Variants in KRT28 observed in about 807,000 individuals in gnomAD.
KRT28 encodes keratin 28, also known as keratin, type I cytoskeletal 28.
In KRT28, 45 loss-of-function variants were observed where a neutral mutation model predicts 48.1. That is an observed-to-expected ratio of 0.94 (90% CI 0.74 to 1.20). The LOEUF (loss-of-function observed/expected upper bound fraction) is 1.20. KRT28 is among the 50% of genes most tolerant of loss of function. The probability of loss-of-function intolerance (pLI) is 0.00; values close to 1 mark genes in which losing one functional copy is unlikely to be tolerated. For missense variants in KRT28, 571 were observed against 574.1 expected (o/e 0.99, Z 0.06); for synonymous variants, 228 against 227.4 (o/e 1.00, Z -0.03).
chr17:40,795,413 C>T (rs192707050), intron 5 of KRT28, among the ~76,000 whole-genome samples: 1 of 152,174 alleles, frequency 6.6e-6, no homozygotes, highest in South Asian at 2.1e-4. Context: ...AGTCTTCCAC[C>T]GTGAAGGCTG....
chr17:40,798,543 C>T lies in KRT28; in HGVS notation c.534-152G>A, dbSNP rs1012402548. ...ATGAAGAAAGCGCTCCTGCATTACCCCCACTCAATTCTGTACAGGATAATT... is the reference window on the plus strand; with the variant it reads ...ATGAAGAAAGCGCTCCTGCATTACCTCCACTCAATTCTGTACAGGATAATT... On this transcript the variant is annotated intron_variant, in intron 2 of 7. Coordinates refer to ENST00000306658, the MANE Select transcript of KRT28 (RefSeq NM_181535.3). 1.6e-5 allele frequency: 12 copies of T among 760,006 alleles called. No individual in the cohort carries two copies. In the African/African-American group the frequency reaches 1.9e-4, roughly 12 times the overall value. 47.1% of individuals were successfully genotyped at this position (760,006 alleles called of 1,614,324 possible).
At chr17:40,797,524 G>T (rs952376042) in intron 3 of KRT28, among the ~76,000 whole-genome samples, 10 of 152,134 alleles carry the variant, frequency 6.6e-5, no homozygotes, top group Non-Finnish European at 1.5e-5. Context: ...TGAGGCGGGC[G>T]GATCACTTGA....
chr17:40,799,568 T>C lies in KRT28; in HGVS notation c.326A>G (p.Glu109Gly), dbSNP rs1340654779. 1 of 1,614,076 alleles carries C rather than the reference T, an allele frequency of 6.2e-7. No homozygotes were observed. The highest frequency in any genetic ancestry group is 8.5e-7 in the Non-Finnish European group (1 of 1,180,030). The change falls in exon 1 of 8, where the codon GAG (glutamate) becomes GGG (glycine). Residue 109 changes from glutamate (E) to glycine (G), a missense_variant. Coordinates refer to ENST00000306658, the MANE Select transcript of KRT28 (RefSeq NM_181535.3). ...SYLDNVRALE[E>G]ANAELERKIK... ...TTTTCTCTCTAATTCAGCATTTGCC[T>C]CCTCCAGAGCTCGCACATTATCCAG...
chr17:40,799,352 A>G, intron 1 of KRT28, 92 bp downstream of exon 1: 1 of 1,027,608 alleles, frequency 9.7e-7, no homozygotes, highest in South Asian at 1.6e-5. Flanking sequence ...TACAAGTTAT[A>G]ACAGTCATGA....
intron 1 of KRT28, 80 bp from the exon 2 acceptor site, chr17:40,799,079 A>G (rs1904688078): frequency 3.3e-6 from 3 of 922,446 alleles, no homozygotes; most frequent in African/African-American, 1.7e-5. Flanking sequence ...GAAAAAGGTT[A>G]CTCAAGTTTT....
chr17:40,796,986 CG>C lies in KRT28; in HGVS notation c.907del (p.Arg303GlyfsTer7), dbSNP rs780642462. 10 of 1,612,784 alleles carry C rather than the reference CG, an allele frequency of 6.2e-6. No homozygotes were observed. Among genetic ancestry groups the C allele is most frequent in the Non-Finnish European group, 8.5e-6 (10 of 1,179,658 alleles). On this transcript the variant is annotated frameshift_variant, in exon 5 of 8. Coordinates refer to ENST00000306658, the MANE Select transcript of KRT28 (RefSeq NM_181535.3). LOFTEE classifies it high-confidence loss of function. ...GCGCCTCATCTCGGTGAGCTGGCTC[CG>C]GGCGAAAGTGGCTGCGCCTGAGTCG... ...SHDSGAATFA[R>X]SQLTEMRRTL...
intron 5 of KRT28, 139 bp downstream of exon 5, chr17:40,796,777 T>G: frequency 8.5e-7 from 1 of 1,174,356 alleles, no homozygotes; most frequent in Non-Finnish European, 1.2e-6. Context: ...CATCTGTTTT[T>G]TCCTGCTCTC....
chr17:40,796,828 T>C (rs1904622223), intron 5 of KRT28, 88 bp downstream of exon 5: 4 of 1,478,708 alleles, frequency 2.7e-6, no homozygotes, highest in Non-Finnish European at 9.0e-7. Context: ...AAAGGTATAA[T>C]AGGAAAAAAG....
chr17:40,793,114 A>G, intron 7 of KRT28, 41 bp downstream of exon 7: 1 of 1,374,302 alleles, frequency 7.3e-7, no homozygotes, highest in East Asian at 2.6e-5. Flanking sequence ...AAATTTAAAA[A>G]AAGAAAAGAA....
chr17:40,796,989 G>T lies in KRT28; in HGVS notation c.905C>A (p.Ala302Asp). Residue 302 changes from alanine to aspartate, a missense_variant, in exon 5 of 8, where the codon GCC becomes GAC. Physicochemically the swap from Ala to Asp is moderately radical, Grantham distance 126. Coordinates refer to ENST00000306658, the MANE Select transcript of KRT28 (RefSeq NM_181535.3). ...CCTCATCTCGGTGAGCTGGCTCCGG[G>T]CGAAAGTGGCTGCGCCTGAGTCGTG... Reference protein sequence around the residue: ...ISHDSGAATFARSQLTEMRRT... With the variant: ...ISHDSGAATFDRSQLTEMRRT... 1 of 1,612,818 alleles carries T rather than the reference G, an allele frequency of 6.2e-7. No individual in the cohort carries two copies. The highest frequency in any genetic ancestry group is 8.5e-7 in the Non-Finnish European group (1 of 1,179,666).
At chr17:40,797,385 G>T in intron 3 of KRT28, 104 bp from the exon 4 acceptor site, 1 of 1,142,946 alleles carries the variant, frequency 8.7e-7, no homozygotes, top group Non-Finnish European at 1.2e-6. Flanking sequence ...GCGGTCAGGT[G>T]TATAATTTAT....
At chr17:40,794,158 G>A (rs1904557785) in intron 5 of KRT28, 112 bp from the exon 6 acceptor site, 1 of 1,283,148 alleles carries the variant, frequency 7.8e-7, no homozygotes, top group Non-Finnish European at 1.1e-6. Context: ...GGAAATTTGT[G>A]AGGCTTGTCA....
Position 40,798,401 on chromosome 17 carries a change from C to A in KRT28, c.534-10G>T. 2 of 1,589,458 alleles carry A rather than the reference C, an allele frequency of 1.3e-6. No homozygotes were observed. Among genetic ancestry groups the A allele is most frequent in the Non-Finnish European group, 8.6e-7 (1 of 1,163,636 alleles). ...GAGCTCATTTTCATACCTTGGGGGG[C>A]ATTTAAGTGAATTTCAGTGCCAGTA... is the stretch of plus-strand genomic sequence containing the variant. On this transcript the variant is annotated splice_polypyrimidine_tract_variant and intron_variant, in intron 2 of 7. Coordinates refer to ENST00000306658, the MANE Select transcript of KRT28 (RefSeq NM_181535.3).
intron 6 of KRT28, 92 bp downstream of exon 6, chr17:40,793,737 A>G: frequency 7.9e-7 from 1 of 1,265,936 alleles, no homozygotes; most frequent in South Asian, 1.3e-5. Flanking sequence ...GGAATGAAAA[A>G]GAAAAGGCTT....
intron 3 of KRT28, 77 bp downstream of exon 3, chr17:40,798,158 G>A (rs1230357558): frequency 1.4e-6 from 2 of 1,400,850 alleles, no homozygotes; most frequent in Non-Finnish European, 2.0e-6. Context: ...TTACTATTGT[G>A]ATTTTAACCC....
At position 40,793,173 on chromosome 17, in the gene KRT28, G is replaced by A. The variant is rs758103839; in HGVS notation, c.1234C>T (p.Pro412Ser). 4 of 1,566,218 alleles carry A rather than the reference G, an allele frequency of 2.6e-6. No individual in the cohort carries two copies. The highest frequency in any genetic ancestry group is 3.5e-6 in the Non-Finnish European group (4 of 1,156,598). The change falls in exon 7 of 8, where the codon CCT becomes TCT. Residue 412 changes from proline to serine, a missense_variant. Pro to Ser is a moderately conservative substitution (Grantham distance 74). Coordinates refer to ENST00000306658, the MANE Select transcript of KRT28 (RefSeq NM_181535.3). Reference protein sequence around the residue: ...SKSKGFGSGSPGNSSKDLSKT... With the variant: ...SKSKGFGSGSSGNSSKDLSKT... ...TTATTACCTTTAGATGAATTCCCAG[G>A]GCTTCCTGATCCAAAGCCCTTTGAT...
At chr17:40,798,827 C>A in intron 2 of KRT28, 90 bp downstream of exon 2, 1 of 810,418 alleles carries the variant, frequency 1.2e-6, no homozygotes, top group South Asian at 1.6e-5. Flanking sequence ...GGTGATAGTT[C>A]ATTCTACTTG....
rs370224004 is a variant in KRT28, at chr17:40,798,268, C to T, written c.657G>A (p.Glu219=). ...DQELQYESLS[E]EMTYLKKNHE... The stretch of plus-strand genomic sequence containing the variant: ...GGTTCTTTTTGAGATATGTCATCTC[C>T]TCACTCAGAGACTCATATTGCAGCT... The change falls in exon 3 of 8, where the codon GAG becomes GAA. Residue 219 remains glutamate, a synonymous_variant. Coordinates refer to ENST00000306658, the MANE Select transcript of KRT28 (RefSeq NM_181535.3). The T allele has an allele frequency of 2.5e-6, 4 of 1,610,594 alleles. No homozygotes were observed. The African/African-American group carries it at 5.3e-5, about 22-fold the overall frequency.
chr17:40,794,071 C>T, intron 5 of KRT28, 25 bp from the exon 6 acceptor site: 3 of 1,613,082 alleles, frequency 1.9e-6, no homozygotes, highest in Non-Finnish European at 1.7e-6. Flanking sequence ...GAAGCCGTGG[C>T]AAGGGATGAA....
Sources: allele counts gnomAD v4.1 joint callset (sites outside exome capture counted in the v4.1 genomes callset), GRCh38; gene constraint gnomAD v4.1.1; transcripts MANE v1.5; gene names NCBI Gene and HGNC (gene_info 2026-07-23, HGNC 2026-07-21).